FASN: variants seen among roughly 807,000 people sequenced by gnomAD.
FASN encodes 3-hydroxyacyl-[acyl-carrier-protein] dehydratase.
Under a neutral mutation model 250.0 loss-of-function variants are expected in FASN, and 50 were observed. The observed-to-expected ratio is 0.20, with a 90% CI of 0.16 to 0.25. The LOEUF (loss-of-function observed/expected upper bound fraction) is 0.25. Among genes scored for constraint, FASN ranks in the 10% least tolerant of loss-of-function variants. The pLI, the probability that FASN is intolerant of heterozygous loss-of-function variation, is 1.00. For missense variants in FASN, 3,031 were observed against 3,498.5 expected (o/e 0.87, Z 3.37); for synonymous variants, 1,909 against 1,584.0 (o/e 1.21, Z -4.87).
At position 82,091,278 on chromosome 17, in the gene FASN, C is replaced by T; in HGVS notation, c.1436G>A (p.Gly479Asp). Reference sequence around the variant, plus strand: ...AGCGGGCACCTGCTGCACCTCTGGGCCACCGCGCTCACCACCCAGCACAGC... The same window carrying T: ...AGCGGGCACCTGCTGCACCTCTGGGTCACCGCGCTCACCACCCAGCACAGC... ...GYAVLGGERG[G>D]PEVQQVPAGE... is the part of the protein sequence containing the mutation. The change falls in exon 9 of 43, where the codon GGC becomes GAC. Residue 479 changes from glycine (G) to aspartate (D), a missense_variant. Physicochemically the swap from Gly to Asp is moderately conservative, Grantham distance 94. Transcript: ENST00000306749. The T allele has an allele frequency of 6.2e-7, 1 of 1,606,742 alleles. No homozygotes were observed. The highest frequency in any genetic ancestry group is 8.5e-7 in the Non-Finnish European group (1 of 1,177,324).
rs1207835448 is a variant in FASN at position 82,085,526 on chromosome 17, G to C, written c.4078C>G (p.Leu1360Val). Residue 1360 changes from leucine (L) to valine (V), a missense_variant, in exon 23 of 43, where the codon CTC becomes GTC. Coordinates refer to ENST00000306749, the MANE Select transcript of FASN (RefSeq NM_004104.5). ...GHPLGDIVAF[L>V]TSTEPQYGQG... ...CCATACTGCGGCTCAGTGGAGGTGA[G>C]GAAGGCCACGATGTCCCCGAGGGGG... 1 of 1,596,234 alleles carries C rather than the reference G, an allele frequency of 6.3e-7. No individual in the cohort carries two copies.
intron 19 of FASN, 63 bp downstream of exon 19, chr17:82,087,622 G>A (rs2034128489): frequency 1.2e-6 from 2 of 1,602,682 alleles, no homozygotes; most frequent in African/African-American, 1.3e-5. Context: ...GGTGCCCTCT[G>A]TGGTCCCCAC....
intron 20 of FASN, 24 bp from the exon 21 acceptor site, chr17:82,087,277 G>A (rs2034122109): frequency 1.2e-6 from 2 of 1,604,544 alleles, no homozygotes; most frequent in South Asian, 2.2e-5. Context: ...CTGGGTGAGT[G>A]CGGCATACTT....
chr17:82,096,140 T>A (rs2034298572), intron 2 of FASN, among the ~76,000 whole-genome samples, 179 bp downstream of exon 2: 1 of 152,228 alleles, frequency 6.6e-6, no homozygotes. Flanking sequence ...TGGTGCAATG[T>A]CCAGGAAGGA....
chr17:82,089,841 G>A lies in FASN; in HGVS notation c.1871-115C>T, dbSNP rs2034172279. On this transcript the variant is annotated intron_variant, in intron 11 of 42. Transcript: ENST00000306749. ...AGTAATGACAAGTGTGGTAATGGCAGCCTTGGAGCCTTCATGAGAAAGGTT... is the reference window on the plus strand; with the variant it reads ...AGTAATGACAAGTGTGGTAATGGCAACCTTGGAGCCTTCATGAGAAAGGTT... 51 of 897,762 alleles carry A rather than the reference G, an allele frequency of 5.7e-5. 1 individual carries two copies. The South Asian group carries it at 6.9e-4, about 12-fold the overall frequency. The allele number at this position is 897,762 out of a possible 1,614,324, so 55.6% of individuals were successfully genotyped here. A position where few individuals can be genotyped will look rare whatever the true frequency, so the allele number is the denominator to read the frequency against.
chr17:82,093,885 G>C, intron 3 of FASN, 114 bp from the exon 4 acceptor site: 1 of 1,143,476 alleles, frequency 8.7e-7, no homozygotes, highest in Non-Finnish European at 1.3e-6. Context: ...CTTGGGGTGA[G>C]GGGGGGTCCA....
chr17:82,082,573 T>C lies in FASN; in HGVS notation c.5873A>G (p.Glu1958Gly). 6.2e-7 allele frequency: 1 copy of C among 1,609,516 alleles called. No individual in the cohort carries two copies. The highest frequency in any genetic ancestry group is 8.5e-7 in the Non-Finnish European group (1 of 1,179,830). The change falls in exon 34 of 43, where the codon GAG becomes GGG. Residue 1958 changes from glutamate to glycine, a missense_variant. Glu to Gly is a moderately conservative substitution (Grantham distance 98). Coordinates refer to ENST00000306749, the MANE Select transcript of FASN (RefSeq NM_004104.5). ...SLEGARGLIA[E>G]AAQLGPVGGV... ...GCCCACGGGCCCAAGCTGCGCCGCC[T>C]CGGCAATGAGGCCCCGGGCCCCCTC... is the stretch of plus-strand genomic sequence containing the variant.
At chr17:82,092,610 G>T in intron 7 of FASN, 21 bp from the exon 8 acceptor site, 1 of 1,604,506 alleles carries the variant, frequency 6.2e-7, no homozygotes. Flanking sequence ...CATGGGGGGT[G>T]AGGGGCTCTG....
intron 41 of FASN, 154 bp from the exon 42 acceptor site, chr17:82,079,762 C>T (rs891518747): frequency 5.6e-6 from 6 of 1,077,164 alleles, no homozygotes; most frequent in Non-Finnish European, 7.8e-6. Context: ...CCGCAACCTC[C>T]ACCTACCCGG....
chr17:82,096,209 A>T lies in FASN; in HGVS notation c.127+110T>A. On this transcript the variant is annotated intron_variant, in intron 2 of 42. Transcript: ENST00000306749. ...TGGCTCTGCAGCTGGGACCGGCCTC[A>T]GGCCAGTGCCTGGGTGGTGAGGACA... 2.6e-6 allele frequency: 4 copies of T among 1,551,478 alleles called. No homozygotes were observed. The South Asian group carries it at 3.4e-5, about 13-fold the overall frequency.
intron 2 of FASN, among the ~76,000 whole-genome samples, chr17:82,095,713 C>G (rs934938714): frequency 6.6e-6 from 1 of 152,182 alleles, no homozygotes; most frequent in Non-Finnish European, 1.5e-5. Context: ...TGAGATGGGC[C>G]GCAGAGCAGA....
In FASN at chr17:82,079,493, C is replaced by A; in HGVS notation, c.7262G>T (p.Arg2421Leu). The A allele has an allele frequency of 6.2e-7, 1 of 1,612,632 alleles. No homozygotes were observed. Among genetic ancestry groups the A allele is most frequent in the Non-Finnish European group, 8.5e-7 (1 of 1,179,984 alleles). ...GGCACGCAGCTTGTAGTAGAAGGAC[C>A]GGGCCGCAAAGCTCAGCTCCTGGCG... is the stretch of plus-strand genomic sequence containing the variant. ...LDRQELSFAARSFYYKLRAAE... is the reference protein window; with the variant it reads ...LDRQELSFAALSFYYKLRAAE... The change falls in exon 42 of 43, where the codon CGG becomes CTG. Residue 2421 changes from arginine (R) to leucine (L), a missense_variant. By Grantham distance (102) the Arg-to-Leu change is moderately radical. Transcript: ENST00000306749.
chr17:82,080,310 G>C, intron 40 of FASN, 60 bp downstream of exon 40: 1 of 1,610,854 alleles, frequency 6.2e-7, no homozygotes, highest in African/African-American at 1.3e-5. Flanking sequence ...CCCAAAGCCA[G>C]GGCACAGGTG....
rs777463985 is a variant in FASN at position 82,089,389 on chromosome 17, A to C, written c.1966-5T>G. The C allele has an allele frequency of 6.2e-7, 1 of 1,612,710 alleles. No homozygotes were observed. Among genetic ancestry groups the C allele is most frequent in the Non-Finnish European group, 8.5e-7 (1 of 1,179,978 alleles). Reference sequence around the variant, plus strand: ...CACGAACTCAAACACCGGGGCCTGGACATCGTGGGAGCCTGGATAAGCATC... The same window carrying C: ...CACGAACTCAAACACCGGGGCCTGGCCATCGTGGGAGCCTGGATAAGCATC... On this transcript the variant is annotated splice_region_variant and splice_polypyrimidine_tract_variant and intron_variant, in intron 12 of 42. Coordinates refer to ENST00000306749, the MANE Select transcript of FASN (RefSeq NM_004104.5).
Position 82,082,128 on chromosome 17 carries a change from T to C in FASN, c.6044A>G (p.Tyr2015Cys). ...VTREACPELDYFVVFSSVSCG... is the reference protein window; with the variant it reads ...VTREACPELDCFVVFSSVSCG... ...GCTCACAGAGGAGAAGACCACAAAG[T>C]AGTCCAGCTCAGGGCACGCCTCTCG... The change falls in exon 36 of 43, where the codon TAC becomes TGC. Residue 2015 changes from tyrosine to cysteine, a missense_variant. By Grantham distance (194) the Tyr-to-Cys change is radical. Coordinates refer to ENST00000306749, the MANE Select transcript of FASN (RefSeq NM_004104.5). The C allele has an allele frequency of 1.2e-6, 2 of 1,606,406 alleles. No individual in the cohort carries two copies. The highest frequency in any genetic ancestry group is 1.7e-6 in the Non-Finnish European group (2 of 1,179,952).
In FASN at chr17:82,079,590, G is replaced by A. The variant is rs765404146; in HGVS notation, c.7165C>T (p.Pro2389Ser). The change falls in exon 42 of 43, where the codon CCG becomes TCG. Residue 2389 changes from proline to serine, a missense_variant. Pro to Ser is a moderately conservative substitution (Grantham distance 74). Transcript: ENST00000306749. ...EHNRVLEALL[P>S]LKGLEERVAA... ...ACACGCTCCTCTAGGCCCTTCAGCG[G>A]CAGCAGCGCCTCCAGCACCTGTGGG... 6.2e-7 allele frequency: 1 copy of A among 1,601,202 alleles called. No homozygotes were observed. Among genetic ancestry groups the A allele is most frequent in the Non-Finnish European group, 8.5e-7 (1 of 1,179,764 alleles).
chr17:82,087,996 G>C lies in FASN; in HGVS notation c.2824C>G (p.Arg942Gly), dbSNP rs754621431. ...CCGTTCTCTGACACCTCGAAGGCACGGGAGGCCTCCAGGAGCCGTACCTCC... is the reference window on the plus strand; with the variant it reads ...CCGTTCTCTGACACCTCGAAGGCACCGGAGGCCTCCAGGAGCCGTACCTCC... ...SLEVRLLEAS[R>G]AFEVSENGNL... The change falls in exon 18 of 43, where the codon CGT becomes GGT. Residue 942 changes from arginine to glycine, a missense_variant. Transcript: ENST00000306749. The C allele has an allele frequency of 6.2e-7, 1 of 1,612,752 alleles. No homozygotes were observed. The highest frequency in any genetic ancestry group is 1.1e-5 in the South Asian group (1 of 91,084).
At position 82,092,435 on chromosome 17, in the gene FASN, C is replaced by T. The variant is rs1028238863; in HGVS notation, c.1029+20G>A. 5 of 1,557,260 alleles carry T rather than the reference C, an allele frequency of 3.2e-6. No homozygotes were observed. Among genetic ancestry groups the T allele is most frequent in the Admixed American group, 3.8e-5 (2 of 52,272 alleles). Reference sequence around the variant, plus strand: ...CAGGGAGCAGGAGCCTGAGGGACCCCCAAGCCCAGCCCCACCTACCTTGGC... The same window carrying T: ...CAGGGAGCAGGAGCCTGAGGGACCCTCAAGCCCAGCCCCACCTACCTTGGC... On this transcript the variant is annotated intron_variant, in intron 8 of 42. Transcript: ENST00000306749.
At chr17:82,094,031 G>A in intron 3 of FASN, 2 of 563,068 alleles carry the variant, frequency 3.6e-6, no homozygotes, top group East Asian at 3.1e-5. Flanking sequence ...GAGGCGGAGG[G>A]GGCAGGCGGG....
Sources: allele counts gnomAD v4.1 joint callset (sites outside exome capture counted in the v4.1 genomes callset), GRCh38; gene constraint gnomAD v4.1.1; transcripts MANE v1.5; gene names NCBI Gene and HGNC (gene_info 2026-07-23, HGNC 2026-07-21).